Variants in BCR observed in about 807,000 individuals in gnomAD.
BCR encodes the protein BCR activator of RhoGEF and GTPase.
In BCR, 58 loss-of-function variants were observed where a neutral mutation model predicts 138.6. That is an observed-to-expected ratio of 0.42 (90% CI 0.34 to 0.52). The LOEUF is 0.52. Ranked by LOEUF, BCR falls within the 20% of genes least tolerant of loss-of-function variation. The pLI is 0.06. For missense variants in BCR, 1,599 were observed against 1,727.2 expected (o/e 0.93, Z 1.32); for synonymous variants, 786 against 730.1 (o/e 1.08, Z -1.23).
Position 23,260,998 on chromosome 22 carries a change from T to G in BCR, c.1510T>G (p.Ser504Ala). The G allele has an allele frequency of 6.2e-7, 1 of 1,613,912 alleles. No individual in the cohort carries two copies. Among genetic ancestry groups the G allele is most frequent in the Non-Finnish European group, 8.5e-7 (1 of 1,179,986 alleles). Residue 504 changes from serine to alanine, a missense_variant, in exon 3 of 23, where the codon TCG becomes GCG. Ser to Ala is a moderately conservative substitution (Grantham distance 99). This residue lies in a region of BCR where 590 missense variants were observed against 762.4 expected (regional missense o/e 0.77). Transcript: ENST00000305877. ...KGLEMRKWVL[S>A]GILASEETYL... ...CTTGGAGATGAGAAAATGGGTCCTG[T>G]CGGGAATCCTGGCTAGCGAGGAGAC...
At chr22:23,207,887 T>C (rs1318684489) in intron 1 of BCR, among the ~76,000 whole-genome samples, 1 of 152,138 alleles carries the variant, frequency 6.6e-6, no homozygotes, top group African/African-American at 2.4e-5. Context: ...GCGACTGCCA[T>C]AGGCCCTGCT....
rs556291446 is a variant in BCR, at chr22:23,210,511, T to G, written c.1279+28272T>G. On this transcript the variant is annotated intron_variant, in intron 1 of 22. Transcript: ENST00000305877. ...GCACGTATGTGCATTCAGGTGTAAT[T>G]TACAGACAATGAAAGTCACTCTTGG... 6.6e-5 allele frequency among the ~76,000 whole-genome samples: 10 copies of G among 152,286 alleles called. No homozygotes were observed. The East Asian group carries it at 1.7e-3, about 26-fold the overall frequency.
At chr22:23,216,235 A>G (rs1436146783) in intron 1 of BCR, among the ~76,000 whole-genome samples, 3 of 152,140 alleles carry the variant, frequency 2.0e-5, no homozygotes, top group African/African-American at 7.2e-5. Context: ...CTCCTTTTAA[A>G]ATCATGCTAC....
chr22:23,254,569 G>GCC (rs11435513), intron 2 of BCR: 11 of 518,384 alleles, frequency 2.1e-5, no homozygotes, highest in African/African-American at 3.9e-5. Flanking sequence ...GTGGACCCAC[G>GCC]CCCCCCCTCA....
chr22:23,232,846 A>G lies in BCR; in HGVS notation c.1280-20953A>G, dbSNP rs143854350. On this transcript the variant is annotated intron_variant, in intron 1 of 22. Coordinates refer to ENST00000305877, the MANE Select transcript of BCR (RefSeq NM_004327.4). ...AGGCCTGATGTGGTCAGGCCAGACCATGGAGCCCCTGTTCTGGATCCATTT... is the reference window on the plus strand; with the variant it reads ...AGGCCTGATGTGGTCAGGCCAGACCGTGGAGCCCCTGTTCTGGATCCATTT... Among the ~76,000 whole-genome samples, 1,264 of 152,338 alleles carry G rather than the reference A, an allele frequency of 8.3e-3. 20 individuals carry two copies. The highest frequency in any genetic ancestry group is 0.029 in the African/African-American group (1,211 of 41,570).
At chr22:23,200,783 C>G (rs2072544433) in intron 1 of BCR, among the ~76,000 whole-genome samples, 1 of 152,108 alleles carries the variant, frequency 6.6e-6, no homozygotes, top group South Asian at 2.1e-4. Context: ...CAGTCTCAAA[C>G]TCCTGGGCTC....
At chr22:23,299,700 A>G (rs561724571) in intron 16 of BCR, among the ~76,000 whole-genome samples, 1 of 66,528 alleles carries the variant, frequency 1.5e-5, no homozygotes, top group South Asian at 4.9e-4. Flanking sequence ...GAGTTTATAT[A>G]TATATATATA....
At position 23,313,957 on chromosome 22, in the gene BCR, G is replaced by T; in HGVS notation, c.3458-11G>T. On this transcript the variant is annotated splice_polypyrimidine_tract_variant and intron_variant, in intron 20 of 22. Coordinates refer to ENST00000305877, the MANE Select transcript of BCR (RefSeq NM_004327.4). Reference sequence around the variant, plus strand: ...TTGTGACCCCAAGGAGTAACCCACCGCCTTCTGCAGCTCTTTCAGACCCGG... The same window carrying T: ...TTGTGACCCCAAGGAGTAACCCACCTCCTTCTGCAGCTCTTTCAGACCCGG... The T allele has an allele frequency of 1.9e-6, 3 of 1,612,088 alleles. No individual in the cohort carries two copies. Among genetic ancestry groups the T allele is most frequent in the Non-Finnish European group, 2.5e-6 (3 of 1,178,668 alleles).
chr22:23,278,097 A>G (rs2073600115), intron 8 of BCR, among the ~76,000 whole-genome samples: 1 of 152,066 alleles, frequency 6.6e-6, no homozygotes. Context: ...ACCAATCCCC[A>G]CTGCTGGGTG....
Position 23,295,089 on chromosome 22 carries a change from C to G in BCR, c.2946C>G (p.Asn982Lys). The change falls in exon 16 of 23, where the codon AAC becomes AAG. Residue 982 changes from asparagine to lysine, a missense_variant. By Grantham distance (94) the Asn-to-Lys change is moderately conservative. Transcript: ENST00000305877. The stretch of plus-strand genomic sequence containing the variant: ...TACTGTGCTATGAAAAGTGTTACAA[C>G]AAGACGAAGATCCCCAAGGAGGACG... ...LRILCYEKCY[N>K]KTKIPKEDGE... is the part of the protein sequence containing the mutation. 5 of 1,614,180 alleles carry G rather than the reference C, an allele frequency of 3.1e-6. No individual in the cohort carries two copies. Among genetic ancestry groups the G allele is most frequent in the Non-Finnish European group, 4.2e-6 (5 of 1,180,026 alleles).
At chr22:23,301,991 T>C (rs1217031083) in intron 16 of BCR, among the ~76,000 whole-genome samples, 2 of 152,176 alleles carry the variant, frequency 1.3e-5, no homozygotes, top group Non-Finnish European at 2.9e-5. Context: ...CCACCACAGC[T>C]TTGTCCCTGC....
At chr22:23,200,397 C>A in intron 1 of BCR, among the ~76,000 whole-genome samples, 1 of 152,026 alleles carries the variant, frequency 6.6e-6, no homozygotes, top group South Asian at 2.1e-4. Flanking sequence ...TCACTGCAGC[C>A]TCAACCTCCT....
Position 23,287,234 on chromosome 22 carries a change from A to G in BCR, c.2482A>G (p.Met828Val), listed in dbSNP as rs2146303240. 1.3e-6 allele frequency: 2 copies of G among 1,560,322 alleles called. No homozygotes were observed. Among genetic ancestry groups the G allele is most frequent in the East Asian group, 4.8e-5 (2 of 41,756 alleles). ...GGAGCAGGAGTCACTGCTGCTGCTT[A>G]TGTCTCCCAGCATGGCCTTCAGGGT... ...LSEQESLLLL[M>V]SPSMAFRVHS... Residue 828 changes from methionine to valine, a missense_variant, in exon 11 of 23, where the codon ATG (methionine) becomes GTG (valine). Coordinates refer to ENST00000305877, the MANE Select transcript of BCR (RefSeq NM_004327.4).
intron 1 of BCR, among the ~76,000 whole-genome samples, chr22:23,218,052 C>T (rs1396010455): frequency 6.6e-6 from 1 of 152,232 alleles, no homozygotes; most frequent in African/African-American, 2.4e-5. Flanking sequence ...AGTAACCCTA[C>T]TCTGACCAGA....
intron 4 of BCR, chr22:23,263,609 A>T: frequency 6.6e-7 from 1 of 1,521,016 alleles, no homozygotes; most frequent in South Asian, 1.1e-5. Context: ...CATGATGAGG[A>T]CGTTTGCCAC....
At chr22:23,257,999 C>T (rs1293545337) in intron 2 of BCR, among the ~76,000 whole-genome samples, 1 of 152,140 alleles carries the variant, frequency 6.6e-6, no homozygotes, top group East Asian at 1.9e-4. Flanking sequence ...TCAGGCACAG[C>T]CGTGGCCTGG....
At chr22:23,234,074 C>G (rs2146246703) in intron 1 of BCR, among the ~76,000 whole-genome samples, 1 of 152,210 alleles carries the variant, frequency 6.6e-6, no homozygotes, top group Admixed American at 6.5e-5. Flanking sequence ...ATGGCGTGTG[C>G]ATGAGCATTT....
intron 6 of BCR, among the ~76,000 whole-genome samples, chr22:23,272,064 T>G (rs1464697064): frequency 6.6e-6 from 1 of 152,150 alleles, no homozygotes. Context: ...TGACCTAAAG[T>G]GCCTTGGCCT....
chr22:23,182,629 C>G (rs1249006457), intron 1 of BCR, among the ~76,000 whole-genome samples: 3 of 152,224 alleles, frequency 2.0e-5, no homozygotes, highest in Non-Finnish European at 4.4e-5. Flanking sequence ...ATCTCTAGCG[C>G]CCACATCGGA....
Sources: allele counts gnomAD v4.1 joint callset (sites outside exome capture counted in the v4.1 genomes callset), GRCh38; gene constraint gnomAD v4.1.1; regional missense constraint gnomAD v4.1.1; transcripts MANE v1.5; gene names NCBI Gene and HGNC (gene_info 2026-07-23, HGNC 2026-07-21).